SUGCT: variants seen among roughly 807,000 people sequenced by gnomAD.
The protein encoded by SUGCT is succinyl-CoA:glutarate-CoA transferase.
In SUGCT, 41 loss-of-function variants were observed where a neutral mutation model predicts 55.0. The observed-to-expected ratio is 0.74, with a 90% CI of 0.58 to 0.97. The LOEUF is 0.97. Among genes scored for constraint, SUGCT ranks in the 50% least tolerant of loss-of-function variants. The pLI is 0.00. For synonymous variants in SUGCT, 187 were observed against 200.4 expected (o/e 0.93, Z 0.56); for missense variants, 568 against 547.8 (o/e 1.04, Z -0.37).
chr7:40,576,152 T>C (rs1796744579), intron 12 of SUGCT, among the ~76,000 whole-genome samples: 1 of 152,162 alleles, frequency 6.6e-6, no homozygotes, highest in Non-Finnish European at 1.5e-5. Flanking sequence ...CGCATGAAAC[T>C]TTTTAGCTTT....
At chr7:40,555,786 A>G (rs1417322270) in intron 12 of SUGCT, among the ~76,000 whole-genome samples, 1 of 151,698 alleles carries the variant, frequency 6.6e-6, no homozygotes, top group African/African-American at 2.4e-5. Context: ...CAATACCTTC[A>G]TATCTCGGTG....
the SUGCT span, among the ~76,000 whole-genome samples, chr7:40,985,574 T>C: frequency 1.3e-5 from 2 of 152,132 alleles, no homozygotes; most frequent in Non-Finnish European, 2.9e-5. Flanking sequence ...AGAAGTGTGT[T>C]TGAAGGCTGA....
chr7:40,930,700 A>G, the SUGCT span, among the ~76,000 whole-genome samples: 14 of 152,284 alleles, frequency 9.2e-5, no homozygotes, highest in South Asian at 2.5e-3. Context: ...ATGGGAGCTC[A>G]CTCATGATTT....
At chr7:40,374,669 G>T (rs71536679) in intron 9 of SUGCT, among the ~76,000 whole-genome samples, 1 of 152,090 alleles carries the variant, frequency 6.6e-6, no homozygotes, top group Non-Finnish European at 1.5e-5. Flanking sequence ...GACTGCCTTA[G>T]GTCTAAAAAG....
At chr7:40,690,853 A>T (rs562612886) in intron 12 of SUGCT, among the ~76,000 whole-genome samples, 1 of 152,254 alleles carries the variant, frequency 6.6e-6, no homozygotes, top group East Asian at 1.9e-4. Flanking sequence ...GCTGAGATAT[A>T]GGCAGGAGCC....
chr7:40,890,340 TAAATATTAATATATTTATAATAATATA>T, the SUGCT span, among the ~76,000 whole-genome samples: 2 of 142,402 alleles, frequency 1.4e-5, no homozygotes, highest in Admixed American at 1.5e-4. Context: ...TATTAATATA[TAAATATTAATATATTTATAATAATATA>T]AATATATTAA....
At chr7:40,249,344 T>TATATATATATATATAAAA (rs1172651937) in intron 7 of SUGCT, among the ~76,000 whole-genome samples, 14 of 128,112 alleles carry the variant, frequency 1.1e-4, no homozygotes, top group African/African-American at 4.3e-4. Flanking sequence ...TATATATATA[T>TATATATATATATATAAAA]ATAATTATAT....
chr7:40,777,903 C>T (rs2128734531), intron 13 of SUGCT, among the ~76,000 whole-genome samples: 1 of 152,280 alleles, frequency 6.6e-6, no homozygotes, highest in East Asian at 1.9e-4. Context: ...GTTCCTCTGC[C>T]TGACTCTTCC....
intron 12 of SUGCT, among the ~76,000 whole-genome samples, chr7:40,668,379 T>C (rs1801758963): frequency 6.6e-6 from 1 of 152,228 alleles, no homozygotes; most frequent in African/African-American, 2.4e-5. Context: ...TGAATAGTTG[T>C]AGATTCATTA....
At chr7:40,310,396 C>T (rs35885368) in intron 8 of SUGCT, among the ~76,000 whole-genome samples, 5,714 of 152,086 alleles carry the variant, frequency 0.038, 368 homozygotes, top group African/African-American at 0.13. Flanking sequence ...TGACTAAATA[C>T]GGAGCCAGGA....
intron 12 of SUGCT, among the ~76,000 whole-genome samples, chr7:40,650,932 AT>A (rs1297205452): frequency 2.0e-5 from 3 of 152,214 alleles, no homozygotes; most frequent in Non-Finnish European, 4.4e-5. Flanking sequence ...ATGTGTTCTC[AT>A]TGCTCAGCTT....
chr7:40,856,936 A>G (rs1368212923), intron 13 of SUGCT, among the ~76,000 whole-genome samples: 1 of 152,128 alleles, frequency 6.6e-6, no homozygotes, highest in Non-Finnish European at 1.5e-5. Flanking sequence ...TTTTACATAC[A>G]TTTCTTAGAT....
chr7:40,700,698 T>C (rs191277249), intron 12 of SUGCT, among the ~76,000 whole-genome samples: 2 of 152,320 alleles, frequency 1.3e-5, no homozygotes, highest in Admixed American at 1.3e-4. Context: ...CCTGTTCTTT[T>C]CCTAATTTCC....
intron 12 of SUGCT, among the ~76,000 whole-genome samples, chr7:40,570,902 C>T (rs1796415668): frequency 7.5e-6 from 1 of 132,712 alleles, no homozygotes; most frequent in South Asian, 2.3e-4. Flanking sequence ...CTCTGTTGCC[C>T]AGGCTGGAGT....
At chr7:40,829,230 G>A (rs1792525128) in intron 13 of SUGCT, among the ~76,000 whole-genome samples, 1 of 152,190 alleles carries the variant, frequency 6.6e-6, no homozygotes. Flanking sequence ...CGAAGACTGT[G>A]TATAAATATA....
At chr7:40,936,331 C>G in the SUGCT span, among the ~76,000 whole-genome samples, 21 of 151,364 alleles carry the variant, frequency 1.4e-4, no homozygotes, top group Admixed American at 6.6e-5. Flanking sequence ...TAGTTTGTGT[C>G]TTTCTAGAAT....
At chr7:40,198,867 G>A (rs1786437708) in intron 6 of SUGCT, among the ~76,000 whole-genome samples, 1 of 152,062 alleles carries the variant, frequency 6.6e-6, no homozygotes, top group Non-Finnish European at 1.5e-5. Context: ...TATGGTGGGT[G>A]ACTATAATCC....
At chr7:40,724,454 T>C (rs528354220) in intron 12 of SUGCT, among the ~76,000 whole-genome samples, 1,893 of 151,694 alleles carry the variant, frequency 0.012, 21 homozygotes, top group Non-Finnish European at 0.019. Context: ...TCCCAGCTGC[T>C]GGGGAGGCTG....
At chr7:40,181,562 G>A (rs904991554) in intron 2 of SUGCT, among the ~76,000 whole-genome samples, 2 of 151,946 alleles carry the variant, frequency 1.3e-5, no homozygotes, top group Non-Finnish European at 2.9e-5. Flanking sequence ...TGGCTAACAC[G>A]GTGAAACCCC....
Sources: allele counts gnomAD v4.1 joint callset (sites outside exome capture counted in the v4.1 genomes callset), GRCh38; gene constraint gnomAD v4.1.1; transcripts MANE v1.5; gene names NCBI Gene and HGNC (gene_info 2026-07-23, HGNC 2026-07-21).